Variants in CLPTM1L observed in about 807,000 individuals in gnomAD.
The protein encoded by CLPTM1L is lipid scramblase CLPTM1L.
In CLPTM1L, 38 loss-of-function variants were observed where a neutral mutation model predicts 70.9. The observed-to-expected ratio is 0.54, with a 90% CI of 0.41 to 0.70. The LOEUF (loss-of-function observed/expected upper bound fraction) is 0.70, where lower values mean the gene tolerates loss of function less well. Among genes scored for constraint, CLPTM1L ranks in the 30% least tolerant of loss-of-function variants. CLPTM1L has a pLI of 0.00. For synonymous variants in CLPTM1L, 339 were observed against 299.9 expected (o/e 1.13, Z -1.35); for missense variants, 652 against 705.9 (o/e 0.92, Z 0.87).
intron 5 of CLPTM1L, among the ~76,000 whole-genome samples, chr5:1,337,692 C>T (rs1375105787): frequency 3.3e-5 from 5 of 152,244 alleles, no homozygotes; most frequent in Non-Finnish European, 5.9e-5. Context: ...CTCAGCAGGA[C>T]CCCGCAGCCA....
Position 1,326,108 on chromosome 5 carries a change from G to A in CLPTM1L, c.1081-292C>T, listed in dbSNP as rs1279292532. On this transcript the variant is annotated intron_variant, in intron 9 of 16. Coordinates refer to ENST00000320895, the MANE Select transcript of CLPTM1L (RefSeq NM_030782.5). ...CGCCACTCTGCCTGCACCCAAATAAGCCCCCACCTACTTCTGCCTGCCACT... is the reference window on the plus strand; with the variant it reads ...CGCCACTCTGCCTGCACCCAAATAAACCCCCACCTACTTCTGCCTGCCACT... The A allele has an allele frequency of 7.5e-5, 31 of 412,014 alleles. No individual in the cohort carries two copies. In the East Asian group the frequency reaches 1.3e-3, roughly 17 times the overall value. The allele number at this position is 412,014 out of a possible 1,614,324, so 25.5% of individuals were successfully genotyped here. A position where few individuals can be genotyped will look rare whatever the true frequency, so the allele number is the denominator to read the frequency against.
At chr5:1,332,863 T>C (rs1173748859) in intron 7 of CLPTM1L, among the ~76,000 whole-genome samples, 3 of 152,214 alleles carry the variant, frequency 2.0e-5, no homozygotes, top group African/African-American at 7.2e-5. Context: ...TATTCAGACA[T>C]CCAATGAGGG....
At position 1,334,269 on chromosome 5, in the gene CLPTM1L, C is replaced by A. The variant is rs529948771; in HGVS notation, c.891+20G>T. 3.1e-6 allele frequency: 5 copies of A among 1,596,806 alleles called. No individual in the cohort carries two copies. The African/African-American group carries it at 4.0e-5, about 13-fold the overall frequency. ...GAGCCCCCCAAGTGCCTGCGGCAAG[C>A]CCCCCGGTGGATGACTCACATGGAA... is the stretch of plus-strand genomic sequence containing the variant. On this transcript the variant is annotated intron_variant, in intron 7 of 16. Transcript: ENST00000320895.
At chr5:1,333,180 T>G (rs372999750) in intron 7 of CLPTM1L, among the ~76,000 whole-genome samples, 38 of 26,728 alleles carry the variant, frequency 1.4e-3, no homozygotes, top group Non-Finnish European at 1.8e-3. Context: ...GACTACTGTA[T>G]ACACACCGGA....
At chr5:1,332,203 C>CG in intron 7 of CLPTM1L, 1 of 336,256 alleles carries the variant, frequency 3.0e-6, no homozygotes, top group South Asian at 4.1e-5. Flanking sequence ...CCCCTGCTCT[C>CG]GGGTTGTGCC....
intron 2 of CLPTM1L, among the ~76,000 whole-genome samples, chr5:1,343,812 A>G (rs973788416): frequency 1.3e-5 from 2 of 152,232 alleles, no homozygotes; most frequent in African/African-American, 4.8e-5. Context: ...GAAGCAAATC[A>G]TATTTAAAAG....
At position 1,320,607 on chromosome 5, in the gene CLPTM1L, C is replaced by CACTCTACGCAGCT; in HGVS notation, c.1532+8_1532+9insAGCTGCGTAGAGT. On this transcript the variant is annotated intron_variant, in intron 16 of 16. Coordinates refer to ENST00000320895, the MANE Select transcript of CLPTM1L (RefSeq NM_030782.5). ...GGAGCAACGGCCGAGCATACGCAGC[C>CACTCTACGCAGCT]GCACTCACCACCGCTGGTACAGGTA... The CACTCTACGCAGCT allele has an allele frequency of 2.0e-6, 3 of 1,498,122 alleles. No homozygotes were observed. Among genetic ancestry groups the CACTCTACGCAGCT allele is most frequent in the Non-Finnish European group, 9.0e-7 (1 of 1,108,798 alleles). The allele number at this position is 1,498,122 out of a possible 1,614,324, so 92.8% of individuals were successfully genotyped here. A position where few individuals can be genotyped will look rare whatever the true frequency, so the allele number is the denominator to read the frequency against.
chr5:1,323,698 C>A (rs1752326790), intron 12 of CLPTM1L, 89 bp downstream of exon 12: 3 of 1,133,942 alleles, frequency 2.6e-6, no homozygotes, highest in Non-Finnish European at 3.9e-6. Context: ...CCCGAGTTTG[C>A]CCTCCAGTCG....
chr5:1,344,405 T>C lies in CLPTM1L; in HGVS notation c.209A>G (p.Asn70Ser), dbSNP rs776865711. The C allele has an allele frequency of 1.2e-6, 2 of 1,613,900 alleles. No homozygotes were observed. The highest frequency in any genetic ancestry group is 1.1e-5 in the South Asian group (1 of 91,090). ...TTCCACATTCAAGACCAGGTCGATG[T>C]TGTTCTCAGCACCCAGGTGGGACCT... ...TTRSHLGAEN[N>S]IDLVLNVEDF... Residue 70 changes from asparagine (N) to serine (S), a missense_variant, in exon 2 of 17, where the codon AAC becomes AGC. Asn to Ser is a conservative substitution (Grantham distance 46, BLOSUM62 1). This residue lies in a region of CLPTM1L where 402 missense variants were observed against 388.2 expected (regional missense o/e 1.04). Coordinates refer to ENST00000320895, the MANE Select transcript of CLPTM1L (RefSeq NM_030782.5).
At chr5:1,336,519 T>C (rs1205863275) in intron 5 of CLPTM1L, among the ~76,000 whole-genome samples, 1 of 152,178 alleles carries the variant, frequency 6.6e-6, no homozygotes, top group Non-Finnish European at 1.5e-5. Flanking sequence ...CCTGAATGCC[T>C]GCAAGGAGTC....
Position 1,335,067 on chromosome 5 carries a change from C to G in CLPTM1L, c.786G>C (p.Leu262=), listed in dbSNP as rs1418597848. 17 of 1,613,012 alleles carry G rather than the reference C, an allele frequency of 1.1e-5. No individual in the cohort carries two copies. In the East Asian group the frequency reaches 3.8e-4, roughly 36 times the overall value. The change falls in exon 6 of 17, where the codon CTG becomes CTC. Residue 262 remains leucine, a synonymous_variant. Coordinates refer to ENST00000320895, the MANE Select transcript of CLPTM1L (RefSeq NM_030782.5). ...GTGTGCGGCACATACCGAACTGCTG[C>G]AGGGAGTACACGGCGTCCTGCATGT... The part of the protein sequence containing the change: ...WIHMQDAVYS[L]QQFGFSEKDA...
intron 7 of CLPTM1L, 125 bp from the exon 8 acceptor site, chr5:1,332,008 A>G (rs528012398): frequency 2.1e-5 from 16 of 766,184 alleles, no homozygotes; most frequent in Middle Eastern, 2.3e-4. Context: ...ATGCATCAGG[A>G]TAAGTGTCTA....
chr5:1,332,913 A>C (rs1444667858), intron 7 of CLPTM1L, among the ~76,000 whole-genome samples: 5 of 152,004 alleles, frequency 3.3e-5, no homozygotes, highest in Admixed American at 1.3e-4. Context: ...ACTACTGTAT[A>C]ACACCAGATG....
At chr5:1,340,558 C>T (rs1373376995) in intron 3 of CLPTM1L, among the ~76,000 whole-genome samples, 1 of 152,208 alleles carries the variant, frequency 6.6e-6, no homozygotes, top group African/African-American at 2.4e-5. Context: ...ATGCCCATCA[C>T]CCCACCCACT....
chr5:1,339,708 A>G (rs34407928), intron 3 of CLPTM1L, among the ~76,000 whole-genome samples: 41 of 65,596 alleles, frequency 6.3e-4, no homozygotes, highest in Middle Eastern at 8.9e-3. Flanking sequence ...GGGACAGCAG[A>G]GTCAGCGCCC....
At chr5:1,340,858 C>A (rs188437102) in intron 3 of CLPTM1L, among the ~76,000 whole-genome samples, 1 of 152,218 alleles carries the variant, frequency 6.6e-6, no homozygotes, top group Non-Finnish European at 1.5e-5. Context: ...TCTCACCTCA[C>A]GGGTTCAAAC....
chr5:1,338,113 A>G, intron 4 of CLPTM1L, 131 bp from the exon 5 acceptor site: 1 of 735,860 alleles, frequency 1.4e-6, no homozygotes, highest in East Asian at 2.7e-5. Flanking sequence ...CTCAGTCACA[A>G]TGACCCCAGG....
intron 8 of CLPTM1L, chr5:1,330,652 G>A (rs763968209): frequency 1.1e-4 from 55 of 480,996 alleles, no homozygotes; most frequent in East Asian, 4.7e-4. Context: ...AGCATGGAAC[G>A]TGGGCAGAGG....
chr5:1,338,830 C>G lies in CLPTM1L; in HGVS notation c.599+30G>C, dbSNP rs377313573. On this transcript the variant is annotated intron_variant, in intron 4 of 16. Coordinates refer to ENST00000320895, the MANE Select transcript of CLPTM1L (RefSeq NM_030782.5). The stretch of plus-strand genomic sequence containing the variant: ...CAGCCAGGGTCCCAGCACCCTCCCC[C>G]CGGCGCTCCAGCTCTGGGGCCCCAC... The G allele has an allele frequency of 1.4e-4, 233 of 1,611,684 alleles. No individual in the cohort carries two copies. In the African/African-American group the frequency reaches 2.1e-3, roughly 14 times the overall value.
Sources: gnomAD v4.1 joint callset for allele counts (sites outside exome capture counted in the v4.1 genomes callset) on GRCh38, gnomAD v4.1.1 for gene constraint, gnomAD v4.1.1 regional missense constraint, MANE v1.5 for transcripts, NCBI Gene and HGNC (gene_info 2026-07-23, HGNC 2026-07-21) for gene names.